Variants in MICU3 observed in about 807,000 individuals in gnomAD.
MICU3 encodes mitochondrial calcium uptake 3, also known as calcium uptake protein 3, mitochondrial.
MICU3 carries 62 observed loss-of-function variants against 66.5 expected under a neutral mutation model. The ratio of observed to expected loss-of-function variants is 0.93; its 90% CI spans 0.76 to 1.15. MICU3 has a LOEUF of 1.15. Ranked by LOEUF, MICU3 falls within the 50% of genes most tolerant of loss-of-function variation. The pLI, the probability that MICU3 is intolerant of heterozygous loss-of-function variation, is 0.00. For synonymous variants in MICU3, 308 were observed against 240.7 expected, an observed-to-expected ratio of 1.28 and a Z score of -2.59; for missense variants, 779 against 664.4, an observed-to-expected ratio of 1.17 and a Z score of -1.90.
chr8:17,075,950 A>G (rs1262444683), intron 3 of MICU3, among the ~76,000 whole-genome samples: 1 of 152,212 alleles, frequency 6.6e-6, no homozygotes, highest in Non-Finnish European at 1.5e-5. Flanking sequence ...GAGAAAGATT[A>G]GTTAATATTT....
intron 11 of MICU3, among the ~76,000 whole-genome samples, chr8:17,110,754 G>A (rs1468842082): frequency 7.3e-5 from 11 of 151,396 alleles, no homozygotes; most frequent in Admixed American, 7.2e-4. Flanking sequence ...GGGGGGTAGA[G>A]ACAGGGTTTT....
At chr8:17,077,682 C>A (rs1820581961) in intron 3 of MICU3, 101 bp from the exon 4 acceptor site, 2 of 760,386 alleles carry the variant, frequency 2.6e-6, no homozygotes, top group Non-Finnish European at 4.3e-6. Context: ...TGTTTCAGGT[C>A]TTTTAAGTGG....
At chr8:17,043,086 C>T (rs971638422) in intron 1 of MICU3, among the ~76,000 whole-genome samples, 5 of 151,440 alleles carry the variant, frequency 3.3e-5, no homozygotes, top group African/African-American at 7.3e-5. Flanking sequence ...ACTACAGGCG[C>T]CCACCACCAC....
At chr8:17,060,442 G>C (rs916069778) in intron 1 of MICU3, among the ~76,000 whole-genome samples, 1 of 152,004 alleles carries the variant, frequency 6.6e-6, no homozygotes, top group African/African-American at 2.4e-5. Flanking sequence ...CAAGTAGCTG[G>C]GATTACAGGC....
rs553049372 is a variant in MICU3 at position 17,080,179 on chromosome 8, C to T, written c.647-1514C>T. On this transcript the variant is annotated intron_variant, in intron 4 of 14. Coordinates refer to ENST00000318063, the MANE Select transcript of MICU3 (RefSeq NM_181723.3). ...ATAATTGGAAAGCATTAAAAATATA[C>T]CGTTCATCTTCAGTAGTATTTTCTC... Among the ~76,000 whole-genome samples the T allele has an allele frequency of 1.1e-4, 17 of 151,872 alleles. No individual in the cohort carries two copies. The South Asian group carries it at 3.5e-3, about 32-fold the overall frequency.
intron 1 of MICU3, chr8:17,049,721 C>T (rs1815736399): frequency 2.0e-6 from 1 of 494,066 alleles, no homozygotes; most frequent in South Asian, 1.5e-5. Flanking sequence ...AGTTCTGGTC[C>T]CAGACCCATT....
chr8:17,127,394 T>C (rs1248341239), downstream of MICU3, among the ~76,000 whole-genome samples: 1 of 152,152 alleles, frequency 6.6e-6, no homozygotes, highest in Non-Finnish European at 1.5e-5. Flanking sequence ...TAGGCAAATT[T>C]AAGAAAGAGG....
At chr8:17,097,702 T>C (rs984136079) in intron 8 of MICU3, among the ~76,000 whole-genome samples, 4 of 151,706 alleles carry the variant, frequency 2.6e-5, no homozygotes, top group African/African-American at 9.7e-5. Context: ...CCCTGATAAA[T>C]CCTGACAGAA....
chr8:17,083,489 A>G (rs1008729336), intron 5 of MICU3, among the ~76,000 whole-genome samples: 6 of 152,066 alleles, frequency 3.9e-5, no homozygotes, highest in African/African-American at 1.4e-4. Flanking sequence ...TAAACTATAA[A>G]CTAAGTTCCT....
Position 17,080,885 on chromosome 8 carries a change from G to A in MICU3, c.647-808G>A, listed in dbSNP as rs547708818. ...GGATTTTTATACCCTTTTACCAAGC[G>A]TCAGAACTATCTGATATCTAAATAA... is the stretch of plus-strand genomic sequence containing the variant. On this transcript the variant is annotated intron_variant, in intron 4 of 14. Transcript: ENST00000318063. Among the ~76,000 whole-genome samples, 83 of 152,152 alleles carry A rather than the reference G, an allele frequency of 5.5e-4. 1 individual carries two copies. The highest frequency in any genetic ancestry group is 1.6e-3 in the African/African-American group (68 of 41,544).
chr8:17,076,481 G>T (rs924806486), intron 3 of MICU3, among the ~76,000 whole-genome samples: 2 of 151,934 alleles, frequency 1.3e-5, no homozygotes, highest in African/African-American at 2.4e-5. Context: ...CTGATTATCT[G>T]CTGGCATCTT....
intron 3 of MICU3, among the ~76,000 whole-genome samples, chr8:17,076,764 G>T (rs1376801017): frequency 2.6e-5 from 4 of 152,204 alleles, no homozygotes; most frequent in African/African-American, 9.6e-5. Context: ...TAAAAATGCA[G>T]GTTGTGGTTC....
chr8:17,033,627 C>T (rs1038866020), intron 1 of MICU3, among the ~76,000 whole-genome samples: 1 of 152,126 alleles, frequency 6.6e-6, no homozygotes, highest in Non-Finnish European at 1.5e-5. Flanking sequence ...TTAGTAGAGA[C>T]GGGATTTCAC....
At chr8:17,038,636 AT>A (rs911662290) in intron 1 of MICU3, among the ~76,000 whole-genome samples, 15 of 151,776 alleles carry the variant, frequency 9.9e-5, no homozygotes, top group Admixed American at 2.6e-4. Context: ...CTACAGAGAA[AT>A]TTTTTTTTCA....
chr8:17,074,961 G>C (rs919600748), intron 3 of MICU3, among the ~76,000 whole-genome samples: 4 of 151,984 alleles, frequency 2.6e-5, no homozygotes, highest in Non-Finnish European at 5.9e-5. Context: ...GGGGCTCCAG[G>C]CCACCCACAC....
At position 17,077,794 on chromosome 8, in the gene MICU3, A is replaced by C; in HGVS notation, c.579A>C (p.Gln193His). The change falls in exon 4 of 15, where the codon CAA (glutamine) becomes CAC (histidine). Residue 193 changes from glutamine (Q) to histidine (H), a missense_variant. Physicochemically the swap from Gln to His is conservative, Grantham distance 24 (BLOSUM62 0). Transcript: ENST00000318063. ...AACTTCTGTCATAGGAATTAAATCAAATGCTCGCAGAAACACCACCAGTTT... is the reference window on the plus strand; with the variant it reads ...AACTTCTGTCATAGGAATTAAATCACATGCTCGCAGAAACACCACCAGTTT... ...WKSLSKQELNQMLAETPPVWK... is the reference protein window; with the variant it reads ...WKSLSKQELNHMLAETPPVWK... The C allele has an allele frequency of 6.2e-7, 1 of 1,610,848 alleles. No homozygotes were observed. The highest frequency in any genetic ancestry group is 8.5e-7 in the Non-Finnish European group (1 of 1,177,934).
intron 2 of MICU3, among the ~76,000 whole-genome samples, chr8:17,067,162 A>G (rs1351220270): frequency 2.0e-5 from 3 of 152,218 alleles, no homozygotes; most frequent in Admixed American, 6.5e-5. Flanking sequence ...AGAAAAGGAA[A>G]AGAATAGAAC....
intron 5 of MICU3, among the ~76,000 whole-genome samples, chr8:17,082,601 C>T (rs944101209): frequency 6.6e-6 from 1 of 152,034 alleles, no homozygotes; most frequent in Admixed American, 6.6e-5. Flanking sequence ...AACAGTGTCT[C>T]GCACATGGTA....
intron 1 of MICU3, among the ~76,000 whole-genome samples, chr8:17,062,596 T>C (rs1395354740): frequency 6.6e-6 from 1 of 152,232 alleles, no homozygotes; most frequent in East Asian, 1.9e-4. Context: ...GTTTTTGTTA[T>C]GGCTTCTCAA....
Sources: gnomAD v4.1 joint callset for allele counts (sites outside exome capture counted in the v4.1 genomes callset) on GRCh38, gnomAD v4.1.1 for gene constraint, MANE v1.5 for transcripts, NCBI Gene and HGNC (gene_info 2026-07-23, HGNC 2026-07-21) for gene names.